Variants in ARSJ observed in about 807,000 individuals in gnomAD.
ARSJ encodes arylsulfatase J.
A neutral mutation model predicts 35.9 loss-of-function variants in ARSJ; 26 were observed. That is an observed-to-expected ratio of 0.72 (90% CI 0.53 to 1.00). The LOEUF (loss-of-function observed/expected upper bound fraction) is 1.00, where lower values mean the gene tolerates loss of function less well. Among genes scored for constraint, ARSJ ranks in the 50% least tolerant of loss-of-function variants. The pLI is 0.00. For synonymous variants in ARSJ, 294 were observed against 267.6 expected, an observed-to-expected ratio of 1.10 and a Z score of -0.96; for missense variants, 667 against 723.6, an observed-to-expected ratio of 0.92 and a Z score of 0.90.
At chr4:113,962,262 A>G (rs1726595137) in intron 1 of ARSJ, among the ~76,000 whole-genome samples, 1 of 151,888 alleles carries the variant, frequency 6.6e-6, no homozygotes, top group South Asian at 2.1e-4. Flanking sequence ...AATATTAGTG[A>G]GTGGCTGAGC....
chr4:113,966,807 T>C (rs1726919633), intron 1 of ARSJ, among the ~76,000 whole-genome samples: 1 of 152,198 alleles, frequency 6.6e-6, no homozygotes, highest in South Asian at 2.1e-4. Flanking sequence ...CACTGAATGT[T>C]GCAAAACCAT....
At chr4:113,936,122 T>A (rs993659890) in intron 1 of ARSJ, among the ~76,000 whole-genome samples, 9 of 151,972 alleles carry the variant, frequency 5.9e-5, no homozygotes, top group African/African-American at 2.2e-4. Flanking sequence ...TTTTTTGGCA[T>A]CTTTATCACT....
chr4:113,919,590 G>A (rs973522951), intron 1 of ARSJ, among the ~76,000 whole-genome samples: 16 of 152,114 alleles, frequency 1.1e-4, no homozygotes, highest in Admixed American at 9.8e-4. Flanking sequence ...TGGCTCCTTC[G>A]CTTATCCTTT....
intron 1 of ARSJ, among the ~76,000 whole-genome samples, chr4:113,960,314 T>C (rs192711352): frequency 6.6e-6 from 1 of 152,214 alleles, no homozygotes; most frequent in East Asian, 1.9e-4. Flanking sequence ...TCCTCACTAC[T>C]GGGCTATTGA....
intron 1 of ARSJ, among the ~76,000 whole-genome samples, chr4:113,960,769 C>T (rs973647862): frequency 8.9e-4 from 135 of 152,040 alleles, no homozygotes; most frequent in African/African-American, 3.1e-3. Context: ...TAAGAAAATT[C>T]CCTCAAAGTA....
chr4:113,927,331 T>C (rs1008408418), intron 1 of ARSJ, among the ~76,000 whole-genome samples: 2 of 152,192 alleles, frequency 1.3e-5, no homozygotes, highest in Non-Finnish European at 2.9e-5. Context: ...TTATTTCCCA[T>C]CATCTGACAC....
chr4:113,917,513 C>A (rs1723388404), intron 1 of ARSJ, among the ~76,000 whole-genome samples: 1 of 152,068 alleles, frequency 6.6e-6, no homozygotes, highest in Non-Finnish European at 1.5e-5. Flanking sequence ...TAATGCAATT[C>A]TTATATGTCA....
In ARSJ at chr4:113,902,276, A is replaced by G; in HGVS notation, c.1798T>C (p.Ter600GlnextTer29). 6.2e-7 allele frequency: 1 copy of G among 1,609,436 alleles called. No homozygotes were observed. The highest frequency in any genetic ancestry group is 8.5e-7 in the Non-Finnish European group (1 of 1,180,014). The change falls in exon 2 of 2, where the codon TAA (stop) becomes CAA (glutamine). Residue 600 changes from the stop codon to glutamine, a stop_lost. Coordinates refer to ENST00000315366, the MANE Select transcript of ARSJ (RefSeq NM_024590.4). ...STCHSGVTCG[*>Q] The stretch of plus-strand genomic sequence containing the variant: ...AACCAAACAGGAAATATTTGTGCTT[A>G]TCCACAAGTAACACCTGAATGGCAA...
chr4:113,920,289 T>C (rs1167568221), intron 1 of ARSJ, among the ~76,000 whole-genome samples: 1 of 152,146 alleles, frequency 6.6e-6, no homozygotes, highest in Non-Finnish European at 1.5e-5. Flanking sequence ...CAGTAGGTAA[T>C]AGGTACAGAT....
chr4:113,942,250 T>G (rs11725460), intron 1 of ARSJ, among the ~76,000 whole-genome samples: 54,973 of 151,800 alleles, frequency 0.36, 10,764 homozygotes, highest in African/African-American at 0.51. Context: ...CCACTCCTAC[T>G]TCTCATTTCC....
intron 1 of ARSJ, among the ~76,000 whole-genome samples, chr4:113,916,750 C>T (rs893427280): frequency 6.6e-6 from 1 of 152,148 alleles, no homozygotes; most frequent in African/African-American, 2.4e-5. Context: ...GAGTTGCTTT[C>T]TGTTTTTCCT....
At position 113,901,215 on chromosome 4, in the gene ARSJ, A is replaced by G. The variant is rs1227720535; in HGVS notation, c.*1059T>C. The G allele has an allele frequency of 6.6e-6, 1 of 152,218 alleles. No individual in the cohort carries two copies. Among genetic ancestry groups the G allele is most frequent in the Non-Finnish European group, 1.5e-5 (1 of 68,038 alleles). 9.4% of individuals were successfully genotyped at this position (152,218 alleles called of 1,614,324 possible). A position where few individuals can be genotyped will look rare whatever the true frequency, so the allele number is the denominator to read the frequency against. ...ATAAAGTAAATCATTTTAATAATTA[A>G]GATACATAAATAGTTTATGATAGAA... On this transcript the variant is annotated 3_prime_UTR_variant, in exon 2 of 2. Coordinates refer to ENST00000315366, the MANE Select transcript of ARSJ (RefSeq NM_024590.4).
intron 1 of ARSJ, among the ~76,000 whole-genome samples, chr4:113,931,740 GA>G (rs1441425911): frequency 6.6e-6 from 1 of 151,826 alleles, no homozygotes; most frequent in East Asian, 1.9e-4. Flanking sequence ...ATAAATAATA[GA>G]TATAAAAAAT....
intron 1 of ARSJ, among the ~76,000 whole-genome samples, chr4:113,912,274 G>A (rs530126508): frequency 3.3e-5 from 5 of 152,330 alleles, no homozygotes; most frequent in African/African-American, 1.2e-4. Context: ...CTGTGAGCTA[G>A]AGTAGTGGAG....
At chr4:113,906,622 T>G (rs1255250435) in intron 1 of ARSJ, 5 of 354,824 alleles carry the variant, frequency 1.4e-5, no homozygotes, top group Non-Finnish European at 2.2e-5. Context: ...TTCAGGTAAT[T>G]TGGGGTGTGG....
chr4:113,906,945 C>T (rs1372920007), intron 1 of ARSJ, among the ~76,000 whole-genome samples: 1 of 152,108 alleles, frequency 6.6e-6, no homozygotes. Context: ...TTCACTGCAA[C>T]AGTGAGAAGT....
chr4:113,976,610 C>T (rs1727607272), intron 1 of ARSJ, among the ~76,000 whole-genome samples: 1 of 152,072 alleles, frequency 6.6e-6, no homozygotes, highest in Non-Finnish European at 1.5e-5. Context: ...AATGAAGGTT[C>T]CAGCAATTTG....
chr4:113,973,296 T>C (rs1167602354), intron 1 of ARSJ, among the ~76,000 whole-genome samples: 2 of 152,172 alleles, frequency 1.3e-5, no homozygotes, highest in African/African-American at 4.8e-5. Flanking sequence ...CTATTATCTA[T>C]GTTTTCAACT....
intron 1 of ARSJ, among the ~76,000 whole-genome samples, chr4:113,960,323 G>A (rs531455630): frequency 6.6e-6 from 1 of 152,108 alleles, no homozygotes; most frequent in Admixed American, 6.6e-5. Context: ...CTGGGCTATT[G>A]AATTTGATGA....
Sources: allele counts gnomAD v4.1 joint callset (sites outside exome capture counted in the v4.1 genomes callset), GRCh38; gene constraint gnomAD v4.1.1; transcripts MANE v1.5; gene names NCBI Gene and HGNC (gene_info 2026-07-23, HGNC 2026-07-21).